Variants in MAP4K3 observed in about 807,000 individuals in gnomAD.
MAP4K3 encodes MAPK/ERK kinase kinase kinase 3.
MAP4K3 carries 94 observed loss-of-function variants against 143.5 expected under a neutral mutation model. The observed-to-expected ratio is 0.65, with a 90% CI of 0.55 to 0.78. MAP4K3 has a LOEUF of 0.78. Among genes scored for constraint, MAP4K3 ranks in the 30% least tolerant of loss-of-function variants. The pLI, the probability that MAP4K3 is intolerant of heterozygous loss-of-function variation, is 0.00. For missense variants in MAP4K3, 1,077 were observed against 1,068.1 expected (o/e 1.01, Z -0.12); for synonymous variants, 416 against 347.2 (o/e 1.20, Z -2.20).
At chr2:39,394,709 A>G (rs1666757880) in intron 1 of MAP4K3, among the ~76,000 whole-genome samples, 1 of 152,182 alleles carries the variant, frequency 6.6e-6, no homozygotes, top group Non-Finnish European at 1.5e-5. Context: ...GTAACACCAG[A>G]TTATGGAGAA....
chr2:39,364,021 G>C (rs1395127029), intron 2 of MAP4K3, among the ~76,000 whole-genome samples: 3 of 144,602 alleles, frequency 2.1e-5, no homozygotes, highest in Non-Finnish European at 4.5e-5. Flanking sequence ...GAAGACAATA[G>C]CAAGTGTTGT....
chr2:39,357,781 C>G (rs1459525291), intron 2 of MAP4K3, among the ~76,000 whole-genome samples: 1 of 152,088 alleles, frequency 6.6e-6, no homozygotes, highest in East Asian at 1.9e-4. Context: ...AGACTAACAC[C>G]AATTTTTATA....
chr2:39,293,601 A>C (rs182165917), intron 16 of MAP4K3, among the ~76,000 whole-genome samples: 2 of 152,346 alleles, frequency 1.3e-5, no homozygotes, highest in African/African-American at 4.8e-5. Flanking sequence ...TTGCAGGGTC[A>C]TAGCCAGGAG....
At chr2:39,371,772 G>A (rs1356851430) in intron 2 of MAP4K3, among the ~76,000 whole-genome samples, 1 of 151,794 alleles carries the variant, frequency 6.6e-6, no homozygotes, top group Non-Finnish European at 1.5e-5. Context: ...AAACTGTTAA[G>A]AAGAGCTAAG....
chr2:39,387,284 T>C (rs1226984258), intron 1 of MAP4K3, among the ~76,000 whole-genome samples: 1 of 152,220 alleles, frequency 6.6e-6, no homozygotes, highest in African/African-American at 2.4e-5. Context: ...GTTGGGACTT[T>C]TATTTGGAAG....
chr2:39,355,700 G>A (rs1665592686), intron 3 of MAP4K3, among the ~76,000 whole-genome samples: 1 of 152,130 alleles, frequency 6.6e-6, no homozygotes, highest in Admixed American at 6.5e-5. Flanking sequence ...TATAACCTAA[G>A]AACCTGGCTT....
At chr2:39,372,959 G>C (rs1179028586) in intron 2 of MAP4K3, among the ~76,000 whole-genome samples, 1 of 152,116 alleles carries the variant, frequency 6.6e-6, no homozygotes, top group Non-Finnish European at 1.5e-5. Flanking sequence ...AAATTAAAAA[G>C]CTTCTGCATA....
chr2:39,401,579 C>T (rs1666955132), intron 1 of MAP4K3, among the ~76,000 whole-genome samples: 2 of 152,044 alleles, frequency 1.3e-5, no homozygotes, highest in South Asian at 4.1e-4. Context: ...GCAAGTGGAG[C>T]GCTTGAGCTG....
chr2:39,358,659 C>A (rs1349634893), intron 2 of MAP4K3, among the ~76,000 whole-genome samples: 1 of 151,942 alleles, frequency 6.6e-6, no homozygotes, highest in Non-Finnish European at 1.5e-5. Context: ...AGAAAAATTC[C>A]ACATACTCGA....
chr2:39,374,294 G>A (rs570746291), intron 2 of MAP4K3, among the ~76,000 whole-genome samples: 21 of 152,188 alleles, frequency 1.4e-4, no homozygotes, highest in Middle Eastern at 3.4e-3. Flanking sequence ...GCTTGAACCC[G>A]GAGGCGGAGG....
chr2:39,284,628 GA>G (rs1681683830), intron 21 of MAP4K3, among the ~76,000 whole-genome samples: 1 of 151,804 alleles, frequency 6.6e-6, no homozygotes, highest in African/African-American at 2.4e-5. Flanking sequence ...GGCAGATCAT[GA>G]GGTCAAGGAT....
chr2:39,431,375 T>C (rs986454694), intron 1 of MAP4K3, among the ~76,000 whole-genome samples: 2 of 152,168 alleles, frequency 1.3e-5, no homozygotes, highest in African/African-American at 2.4e-5. Flanking sequence ...AGTATTTTGT[T>C]GGGATATCTT....
At chr2:39,284,293 C>G (rs530594621) in intron 21 of MAP4K3, among the ~76,000 whole-genome samples, 76 of 152,152 alleles carry the variant, frequency 5.0e-4, no homozygotes, top group African/African-American at 1.8e-3. Context: ...TCCTGAGTAG[C>G]TGAGATTACA....
intron 1 of MAP4K3, among the ~76,000 whole-genome samples, chr2:39,379,251 G>A (rs1418809593): frequency 6.6e-6 from 1 of 151,986 alleles, no homozygotes; most frequent in Non-Finnish European, 1.5e-5. Context: ...CACCGTCATT[G>A]CTGAAAATAT....
At chr2:39,403,499 A>G (rs147486227) in intron 1 of MAP4K3, among the ~76,000 whole-genome samples, 205 of 152,232 alleles carry the variant, frequency 1.3e-3, no homozygotes, top group African/African-American at 4.5e-3. Context: ...GAGACTTTGC[A>G]TTGAACTCAG....
At chr2:39,419,594 C>A (rs940482896) in intron 1 of MAP4K3, among the ~76,000 whole-genome samples, 1 of 152,138 alleles carries the variant, frequency 6.6e-6, no homozygotes, top group Non-Finnish European at 1.5e-5. Flanking sequence ...TGTCAAACCT[C>A]ATGTGAACAC....
chr2:39,252,750 T>C (rs565624295), intron 32 of MAP4K3, among the ~76,000 whole-genome samples: 77 of 152,338 alleles, frequency 5.1e-4, no homozygotes, highest in African/African-American at 1.7e-3. Context: ...TACAATTAGA[T>C]TTTCTAGAAA....
At chr2:39,320,849 C>G (rs1683278055) in intron 12 of MAP4K3, among the ~76,000 whole-genome samples, 1 of 152,140 alleles carries the variant, frequency 6.6e-6, no homozygotes, top group African/African-American at 2.4e-5. Context: ...AGGAGATACA[C>G]TCTTAGATCT....
chr2:39,336,052 A>G (rs891220672), intron 6 of MAP4K3, among the ~76,000 whole-genome samples: 2 of 152,196 alleles, frequency 1.3e-5, no homozygotes, highest in African/African-American at 2.4e-5. Flanking sequence ...AAAAAAATCT[A>G]AACTGGGGAG....
Sources: allele counts gnomAD v4.1 joint callset (sites outside exome capture counted in the v4.1 genomes callset), GRCh38; gene constraint gnomAD v4.1.1; transcripts MANE v1.5; gene names NCBI Gene and HGNC (gene_info 2026-07-23, HGNC 2026-07-21).